Variants in UNC79 observed in about 807,000 individuals in gnomAD.
UNC79 encodes protein unc-79 homolog.
A neutral mutation model predicts 283.1 loss-of-function variants in UNC79; 37 were observed. That is an observed-to-expected ratio of 0.13 (90% confidence interval 0.10 to 0.17). UNC79 has a LOEUF of 0.17. UNC79 is among the 10% of genes least tolerant of loss of function. The pLI is 1.00. For synonymous variants in UNC79, 1,107 were observed against 1,200.2 expected, an observed-to-expected ratio of 0.92 and a Z score of 1.61; for missense variants, 2,272 against 3,211.1, an observed-to-expected ratio of 0.71 and a Z score of 7.07.
intron 2 of UNC79, among the ~76,000 whole-genome samples, chr14:93,470,174 G>GT (rs537735900): frequency 4.7e-4 from 71 of 150,784 alleles, no homozygotes; most frequent in East Asian, 2.3e-3. Flanking sequence ...AGTTAAAATG[G>GT]TTTTTTTTTG....
intron 32 of UNC79, 122 bp from the exon 36 acceptor site, chr14:93,641,023 G>A: frequency 1.4e-6 from 1 of 695,080 alleles, no homozygotes. Flanking sequence ...GTACAGTTGG[G>A]ATGTCCAAGT....
chr14:93,500,387 A>C (rs1429248698), intron 7 of UNC79, among the ~76,000 whole-genome samples: 2 of 152,178 alleles, frequency 1.3e-5, no homozygotes, highest in African/African-American at 2.4e-5. Context: ...CACTGTCCTA[A>C]GTACTGGGGA....
At chr14:93,442,344 T>C (rs1378731487) in intron 1 of UNC79, among the ~76,000 whole-genome samples, 2 of 152,224 alleles carry the variant, frequency 1.3e-5, no homozygotes, top group Admixed American at 1.3e-4. Flanking sequence ...TTTTTGCTTA[T>C]CTTCTGTAGG....
rs1209258396 is a variant in UNC79 at position 93,665,398 on chromosome 14, G to GAGAGAGAT, written c.6636+2686_6636+2693dup. 4.0e-5 allele frequency among the ~76,000 whole-genome samples: 6 copies of GAGAGAGAT among 151,658 alleles called. No individual in the cohort carries two copies. In the South Asian group the frequency reaches 1.2e-3, roughly 31 times the overall value. On this transcript the variant is annotated intron_variant, in intron 40 of 48. Coordinates refer to ENST00000555664, the Ensembl canonical transcript of UNC79. Reference sequence around the variant, plus strand: ...AGAAGAAATTACCTAGAATTCAGAAGAGAGAGATAAAGAGATGAATATAAA... The same window carrying GAGAGAGAT: ...AGAAGAAATTACCTAGAATTCAGAAGAGAGAGATAGAGAGATAAAGAGATGAATATAAA...
intron 26 of UNC79, among the ~76,000 whole-genome samples, chr14:93,612,478 A>C (rs1381421685): frequency 6.6e-6 from 1 of 152,204 alleles, no homozygotes; most frequent in Non-Finnish European, 1.5e-5. Flanking sequence ...AACATATTAA[A>C]AAATTTGCTA....
intron 35 of UNC79, among the ~76,000 whole-genome samples, chr14:93,647,265 C>T (rs112137850): frequency 1.6e-4 from 24 of 152,078 alleles, no homozygotes; most frequent in African/African-American, 5.1e-4. Flanking sequence ...CTGGCTCTCA[C>T]GGAACTTACA....
At chr14:93,347,860 AT>A (rs1158420681) in intron 1 of UNC79, among the ~76,000 whole-genome samples, 1 of 151,444 alleles carries the variant, frequency 6.6e-6, no homozygotes, top group African/African-American at 2.4e-5. Flanking sequence ...AAAAAAAAAA[AT>A]CAGGTGATCC....
At chr14:93,669,551 T>C (rs1259602599) in intron 40 of UNC79, among the ~76,000 whole-genome samples, 3 of 152,132 alleles carry the variant, frequency 2.0e-5, no homozygotes, top group Non-Finnish European at 4.4e-5. Flanking sequence ...GACACCCCCA[T>C]AGTAACTTTC....
At chr14:93,691,430 T>G in intron 45 of UNC79, 1 of 451,812 alleles carries the variant, frequency 2.2e-6, no homozygotes, top group Non-Finnish European at 4.0e-6. Flanking sequence ...GGCAGAATGA[T>G]TATTCTCCCT....
chr14:93,703,584 C>T (rs1227581813), intron 47 of UNC79, among the ~76,000 whole-genome samples: 1 of 152,170 alleles, frequency 6.6e-6, no homozygotes, highest in African/African-American at 2.4e-5. Flanking sequence ...TTCAACAATC[C>T]CATTTCCAAA....
chr14:93,423,094 AAAG>A lies in UNC79; in HGVS notation c.-350-44573_-350-44571del, dbSNP rs2055640790. Among the ~76,000 whole-genome samples the A allele has an allele frequency of 2.7e-5, 4 of 149,076 alleles. No homozygotes were observed. In the South Asian group the frequency reaches 8.5e-4, roughly 32 times the overall value. On this transcript the variant is annotated intron_variant, in intron 1 of 49. Coordinates refer to the UNC79 transcript ENST00000256339. The stretch of plus-strand genomic sequence containing the variant: ...AAAAAAAAAAAAAAAAAAAAAAAGA[AAAG>A]AAGTCAAGAAAGTAATGCCATTTAC...
chr14:93,378,448 T>C (rs2054603289), intron 1 of UNC79, among the ~76,000 whole-genome samples: 1 of 152,214 alleles, frequency 6.6e-6, no homozygotes, highest in Non-Finnish European at 1.5e-5. Flanking sequence ...GTATCCCTTA[T>C]CTGAAATGCT....
chr14:93,444,410 C>T (rs914630784), intron 1 of UNC79, among the ~76,000 whole-genome samples: 3 of 152,014 alleles, frequency 2.0e-5, no homozygotes, highest in East Asian at 3.9e-4. Flanking sequence ...CAATGACTTT[C>T]GAGAAGCAAG....
chr14:93,379,839 TC>T (rs1442426082), intron 1 of UNC79, among the ~76,000 whole-genome samples: 18 of 152,058 alleles, frequency 1.2e-4, no homozygotes, highest in Non-Finnish European at 2.5e-4. Flanking sequence ...ACCCATCTGT[TC>T]CCCAAAAGCT....
chr14:93,437,369 G>A (rs564940708), intron 1 of UNC79: 1 of 152,188 alleles, frequency 6.6e-6, no homozygotes, highest in Non-Finnish European at 1.5e-5. Context: ...TGTTCCTCAA[G>A]TACCTTAATT....
chr14:93,688,655 G>A lies in UNC79; in HGVS notation c.6910-10G>A. The A allele has an allele frequency of 6.2e-7, 1 of 1,609,172 alleles. No individual in the cohort carries two copies. Among genetic ancestry groups the A allele is most frequent in the Non-Finnish European group, 8.5e-7 (1 of 1,177,184 alleles). ...CTGCCAGAGTTACAAAATACCATTC[G>A]GTTTTGTAGAGCCACATGAAGACAT... is the stretch of plus-strand genomic sequence containing the variant. On this transcript the variant is annotated splice_polypyrimidine_tract_variant and intron_variant, in intron 43 of 48. Coordinates refer to ENST00000555664, the Ensembl canonical transcript of UNC79. This position sits in a 1 kb window ranked among gnomAD's most constrained non-coding sequence, Gnocchi z 4.0.
At chr14:93,472,314 A>C (rs1223803841) in intron 2 of UNC79, among the ~76,000 whole-genome samples, 1 of 152,140 alleles carries the variant, frequency 6.6e-6, no homozygotes, top group African/African-American at 2.4e-5. Flanking sequence ...TAATTGAGTC[A>C]TGTGAGAAAA....
At chr14:93,698,706 G>A (rs1335351024) in intron 47 of UNC79, among the ~76,000 whole-genome samples, 1 of 152,018 alleles carries the variant, frequency 6.6e-6, no homozygotes, top group East Asian at 1.9e-4. Context: ...GGCTGGTCTT[G>A]AACTCCTGAC....
intron 14 of UNC79, among the ~76,000 whole-genome samples, chr14:93,550,535 A>AAAAGAG (rs1567095769): frequency 2.7e-5 from 4 of 146,908 alleles, no homozygotes; most frequent in African/African-American, 1.0e-4. Flanking sequence ...AAAAAAAAAA[A>AAAAGAG]AAAAAAGAGG....
Sources: allele counts gnomAD v4.1 joint callset (sites outside exome capture counted in the v4.1 genomes callset), GRCh38; gene constraint gnomAD v4.1.1; non-coding constraint Gnocchi (gnomAD v3.1); transcripts MANE v1.5; gene names NCBI Gene and HGNC (gene_info 2026-07-23, HGNC 2026-07-21).